Variants in CACNA2D1 observed in about 807,000 individuals in gnomAD.
The protein encoded by CACNA2D1 is voltage-dependent calcium channel subunit alpha-2/delta-1.
CACNA2D1 carries 53 observed loss-of-function variants against 171.5 expected under a neutral mutation model. The ratio of observed to expected loss-of-function variants is 0.31; its 90% CI spans 0.25 to 0.39. CACNA2D1 has a LOEUF of 0.39. CACNA2D1 is among the 10% of genes least tolerant of loss of function. CACNA2D1 has a pLI of 1.00. For synonymous variants in CACNA2D1, 442 were observed against 443.1 expected (o/e 1.00, Z 0.03); for missense variants, 903 against 1,299.8 (o/e 0.69, Z 4.69).
At chr7:82,299,149 A>C (rs1172014807) in intron 3 of CACNA2D1, among the ~76,000 whole-genome samples, 1 of 151,988 alleles carries the variant, frequency 6.6e-6, no homozygotes, top group Non-Finnish European at 1.5e-5. Flanking sequence ...TTCTCTGCTT[A>C]TCATACAAAC....
intron 3 of CACNA2D1, among the ~76,000 whole-genome samples, chr7:82,288,132 G>A (rs370519642): frequency 1.6e-3 from 236 of 151,818 alleles, no homozygotes; most frequent in African/African-American, 5.2e-3. Context: ...GAGCCACCGC[G>A]CCCGGCCCCA....
chr7:82,125,193 C>T (rs1311573537), intron 5 of CACNA2D1, among the ~76,000 whole-genome samples: 2 of 152,162 alleles, frequency 1.3e-5, no homozygotes, highest in African/African-American at 2.4e-5. Context: ...AAATTTTGAA[C>T]ATGATCAATA....
intron 15 of CACNA2D1, among the ~76,000 whole-genome samples, chr7:82,009,821 G>A (rs1484972146): frequency 1.3e-5 from 2 of 151,950 alleles, no homozygotes; most frequent in South Asian, 2.1e-4. Context: ...AAATAAGAGA[G>A]AAATAAAACA....
intron 3 of CACNA2D1, among the ~76,000 whole-genome samples, chr7:82,307,662 A>G (rs919062165): frequency 6.6e-6 from 1 of 151,954 alleles, no homozygotes; most frequent in Non-Finnish European, 1.5e-5. Flanking sequence ...GTTCATATCT[A>G]TGTCCCTTTC....
chr7:82,024,831 G>A (rs1801675853), intron 12 of CACNA2D1, among the ~76,000 whole-genome samples: 1 of 151,668 alleles, frequency 6.6e-6, no homozygotes, highest in South Asian at 2.1e-4. Context: ...TATGGTGTCA[G>A]ATAAGGATCC....
chr7:82,052,218 G>A (rs1023157789), intron 10 of CACNA2D1, among the ~76,000 whole-genome samples: 8 of 152,084 alleles, frequency 5.3e-5, no homozygotes, highest in Admixed American at 2.0e-4. Flanking sequence ...GAAAAATTAC[G>A]GTCAAAGTTA....
intron 6 of CACNA2D1, among the ~76,000 whole-genome samples, chr7:82,104,179 C>T (rs1261176180): frequency 6.6e-6 from 1 of 151,898 alleles, no homozygotes; most frequent in African/African-American, 2.4e-5. Context: ...ATCACGTTTT[C>T]CGTTATTTTA....
chr7:82,042,477 T>TAA (rs1804084805), intron 10 of CACNA2D1, among the ~76,000 whole-genome samples: 4 of 152,176 alleles, frequency 2.6e-5, no homozygotes, highest in Non-Finnish European at 5.9e-5. Context: ...TGTAAAAGTG[T>TAA]GTATTTAACA....
chr7:82,148,074 G>T (rs1412330341), intron 4 of CACNA2D1, among the ~76,000 whole-genome samples: 2 of 152,040 alleles, frequency 1.3e-5, no homozygotes, highest in Non-Finnish European at 2.9e-5. Flanking sequence ...TATATATTAG[G>T]CACAGTAAGA....
At chr7:82,043,265 A>C (rs944090623) in intron 10 of CACNA2D1, among the ~76,000 whole-genome samples, 4 of 152,230 alleles carry the variant, frequency 2.6e-5, no homozygotes, top group African/African-American at 9.6e-5. Flanking sequence ...ATAGACATTA[A>C]AATACTCAAA....
chr7:82,250,211 C>T (rs1368438128), intron 3 of CACNA2D1, among the ~76,000 whole-genome samples: 1 of 152,232 alleles, frequency 6.6e-6, no homozygotes, highest in African/African-American at 2.4e-5. Flanking sequence ...CACCTCCCAA[C>T]AGTGCTACAT....
chr7:82,181,041 A>ATTTTTTTTTTTTTTT lies in CACNA2D1; in HGVS notation c.295-10447_295-10433dup. On this transcript the variant is annotated intron_variant, in intron 3 of 38. Coordinates refer to ENST00000356860, the MANE Select transcript of CACNA2D1 (RefSeq NM_000722.4). ...GGTCAGCAGCTGTGGGGCATGTCGG[A>ATTTTTTTTTTTTTTT]TTTTTTTTTTTTTTTTTTTTTTTTT... Among the ~76,000 whole-genome samples the ATTTTTTTTTTTTTTT allele has an allele frequency of 4.6e-3, 64 of 13,962 alleles. 27 individuals are homozygous for ATTTTTTTTTTTTTTT. Among genetic ancestry groups the ATTTTTTTTTTTTTTT allele is most frequent in the South Asian group, 7.9e-3 (2 of 252 alleles). The allele number at this position is 13,962 out of a possible 152,430, so 9.2% of individuals were successfully genotyped here.
intron 12 of CACNA2D1, among the ~76,000 whole-genome samples, chr7:82,016,605 CGCCCG>C (rs1328564819): frequency 1.3e-3 from 10 of 7,542 alleles, no homozygotes; most frequent in African/African-American, 4.6e-3. Context: ...AAACACTAGC[CGCCCG>C]CCCCCCCCCC....
chr7:82,417,898 C>A (rs1828334599), intron 1 of CACNA2D1, among the ~76,000 whole-genome samples: 1 of 151,990 alleles, frequency 6.6e-6, no homozygotes, highest in East Asian at 1.9e-4. Context: ...AATAAAATGA[C>A]ATACAAAAAA....
At chr7:82,181,081 T>G (rs1433055288) in intron 3 of CACNA2D1, among the ~76,000 whole-genome samples, 5 of 118,326 alleles carry the variant, frequency 4.2e-5, no homozygotes, top group African/African-American at 1.6e-4. Flanking sequence ...TTTTTTTGCG[T>G]CAGTGAGATG....
At chr7:82,138,470 A>G (rs535394579) in intron 4 of CACNA2D1, among the ~76,000 whole-genome samples, 4,543 of 130,772 alleles carry the variant, frequency 0.035, 118 homozygotes, top group Middle Eastern at 0.12. Flanking sequence ...TTTTTGAGAC[A>G]GAGTGTCGCT....
chr7:82,144,526 G>A (rs1190612985), intron 4 of CACNA2D1, among the ~76,000 whole-genome samples: 1 of 151,950 alleles, frequency 6.6e-6, no homozygotes, highest in African/African-American at 2.4e-5. Context: ...AAACTCAGAT[G>A]TGTTCTGGCA....
At chr7:82,364,830 G>C (rs1378178892) in intron 1 of CACNA2D1, among the ~76,000 whole-genome samples, 1 of 152,178 alleles carries the variant, frequency 6.6e-6, no homozygotes, top group African/African-American at 2.4e-5. Context: ...GGACAGAAGG[G>C]AAAGTTTATG....
chr7:82,423,119 T>A (rs1281992495), intron 1 of CACNA2D1, among the ~76,000 whole-genome samples: 2 of 152,108 alleles, frequency 1.3e-5, no homozygotes, highest in Non-Finnish European at 2.9e-5. Context: ...TATACTTTTG[T>A]ACTTTCGCAG....
Sources: allele counts gnomAD v4.1 joint callset (sites outside exome capture counted in the v4.1 genomes callset), GRCh38; gene constraint gnomAD v4.1.1; transcripts MANE v1.5; gene names NCBI Gene and HGNC (gene_info 2026-07-23, HGNC 2026-07-21).